Variants in DLGAP1 observed in about 807,000 individuals in gnomAD.
The protein encoded by DLGAP1 is DLG associated protein 1.
DLGAP1 carries 11 observed loss-of-function variants against 90.8 expected under a neutral mutation model. The observed-to-expected ratio is 0.12, with a 90% confidence interval of 0.08 to 0.20. The LOEUF (loss-of-function observed/expected upper bound fraction) is 0.20, where lower values mean the gene tolerates loss of function less well. Ranked by LOEUF, DLGAP1 falls within the 10% of genes least tolerant of loss-of-function variation. The pLI, the probability that DLGAP1 is intolerant of heterozygous loss-of-function variation, is 1.00. For synonymous variants in DLGAP1, 558 were observed against 540.7 expected, an observed-to-expected ratio of 1.03 and a Z score of -0.44; for missense variants, 1,050 against 1,333.8, an observed-to-expected ratio of 0.79 and a Z score of 3.31.
intron 2 of DLGAP1, among the ~76,000 whole-genome samples, chr18:4,096,772 A>G (rs2075686897): frequency 6.6e-6 from 1 of 152,218 alleles, no homozygotes; most frequent in African/African-American, 2.4e-5. Flanking sequence ...AAGCTTTTTT[A>G]TAGGCTGCCT....
chr18:3,946,414 A>G (rs1392033133), intron 3 of DLGAP1, among the ~76,000 whole-genome samples: 2 of 152,222 alleles, frequency 1.3e-5, no homozygotes, highest in African/African-American at 2.4e-5. Context: ...GGTTTTCATA[A>G]GCAACAAATA....
chr18:4,284,822 A>G (rs2079644220), intron 1 of DLGAP1, among the ~76,000 whole-genome samples: 1 of 152,210 alleles, frequency 6.6e-6, no homozygotes, highest in Non-Finnish European at 1.5e-5. Flanking sequence ...ATTAGGCTGA[A>G]GAACTGAGGT....
intron 1 of DLGAP1, among the ~76,000 whole-genome samples, chr18:4,318,499 A>T (rs1189813262): frequency 2.6e-5 from 4 of 152,202 alleles, no homozygotes; most frequent in African/African-American, 9.6e-5. Flanking sequence ...TTTGCTTACA[A>T]TGTGGACCTG....
rs2059658527 is a variant in DLGAP1 at position 3,660,875 on chromosome 18, T to C, written c.1591+68260A>G. 6.6e-6 allele frequency among the ~76,000 whole-genome samples: 1 copy of C among 152,198 alleles called. No homozygotes were observed. Among genetic ancestry groups the C allele is most frequent in the African/African-American group, 2.4e-5 (1 of 41,442 alleles). ...ATACCTCAATAATCTGCAGTTCTCT[T>C]GTCTCAACTGTCATCACCCTGGGCC... On this transcript the variant is annotated intron_variant, in intron 7 of 12. Transcript: ENST00000315677. The surrounding 1 kb of genome is among the most constrained non-coding windows in gnomAD (Gnocchi z 4.2).
intron 5 of DLGAP1, among the ~76,000 whole-genome samples, chr18:3,792,208 C>T (rs527429707): frequency 5.3e-5 from 8 of 152,236 alleles, no homozygotes; most frequent in South Asian, 4.2e-4. Context: ...GGGCTGGGCA[C>T]GATGGCTCAC....
chr18:4,269,122 T>G (rs1280661207), intron 1 of DLGAP1, among the ~76,000 whole-genome samples: 1 of 151,826 alleles, frequency 6.6e-6, no homozygotes, highest in Non-Finnish European at 1.5e-5. Context: ...AAGGATTAAA[T>G]AAATCCATTG....
At chr18:3,766,917 T>C (rs1812584306) in intron 5 of DLGAP1, among the ~76,000 whole-genome samples, 1 of 151,738 alleles carries the variant, frequency 6.6e-6, no homozygotes, top group Non-Finnish European at 1.5e-5. Flanking sequence ...TAAAAAAAGA[T>C]CAGAATAAAC....
At chr18:3,696,692 C>T (rs1473245227) in intron 7 of DLGAP1, among the ~76,000 whole-genome samples, 1 of 152,132 alleles carries the variant, frequency 6.6e-6, no homozygotes, top group Non-Finnish European at 1.5e-5. Flanking sequence ...GTTTTGGTAT[C>T]AGGATGATGC....
intron 7 of DLGAP1, among the ~76,000 whole-genome samples, chr18:3,622,359 T>C (rs1567851175): frequency 2.0e-5 from 3 of 152,082 alleles, no homozygotes; most frequent in Admixed American, 1.3e-4. Context: ...CCTGCTTCAT[T>C]CTCCCAAAGT....
chr18:3,947,341 T>G (rs981689526), intron 3 of DLGAP1, among the ~76,000 whole-genome samples: 1 of 152,242 alleles, frequency 6.6e-6, no homozygotes, highest in African/African-American at 2.4e-5. Flanking sequence ...GTGCTGACAC[T>G]AGGCTGTTCT....
chr18:3,650,020 C>A (rs2059240353), intron 7 of DLGAP1, among the ~76,000 whole-genome samples: 1 of 152,092 alleles, frequency 6.6e-6, no homozygotes, highest in Non-Finnish European at 1.5e-5. Context: ...ACTCTCAATG[C>A]TCCCAGAGAC....
intron 10 of DLGAP1, among the ~76,000 whole-genome samples, chr18:3,524,210 G>T (rs1037236771): frequency 6.6e-6 from 1 of 151,946 alleles, no homozygotes; most frequent in South Asian, 2.1e-4. Flanking sequence ...GGGCAGTTAA[G>T]TCTGCAGTAA....
At chr18:3,859,903 A>G (rs2069920008) in intron 4 of DLGAP1, among the ~76,000 whole-genome samples, 1 of 152,092 alleles carries the variant, frequency 6.6e-6, no homozygotes, top group Non-Finnish European at 1.5e-5. Context: ...GATCGAGACC[A>G]TCCTGGCTAA....
chr18:4,222,306 G>A, intron 1 of DLGAP1, among the ~76,000 whole-genome samples: 1 of 151,972 alleles, frequency 6.6e-6, no homozygotes, highest in East Asian at 1.9e-4. Context: ...GCTTGTTTCT[G>A]GTGTTTATTT....
intron 1 of DLGAP1, among the ~76,000 whole-genome samples, chr18:4,173,323 T>G (rs2077054311): frequency 6.6e-6 from 1 of 152,220 alleles, no homozygotes; most frequent in African/African-American, 2.4e-5. Flanking sequence ...TATTCCATGC[T>G]GGTTTCTCTA....
At chr18:4,212,461 T>C (rs561547793) in intron 1 of DLGAP1, among the ~76,000 whole-genome samples, 6 of 149,412 alleles carry the variant, frequency 4.0e-5, no homozygotes, top group Non-Finnish European at 8.9e-5. Context: ...AGGTCAAGAG[T>C]TTGAGAGCAG....
chr18:3,674,414 T>G (rs1598300885), intron 7 of DLGAP1, among the ~76,000 whole-genome samples: 1 of 150,862 alleles, frequency 6.6e-6, no homozygotes, highest in African/African-American at 2.4e-5. Flanking sequence ...AGGCCAGGAG[T>G]TTGAGACTAG....
chr18:3,567,352 G>T, intron 9 of DLGAP1, 138 bp downstream of exon 9: 1 of 686,354 alleles, frequency 1.5e-6, no homozygotes, highest in Non-Finnish European at 2.5e-6. Context: ...AACTAATATT[G>T]ATTCAACTTC....
chr18:4,310,647 G>A (rs2143446646), intron 1 of DLGAP1, among the ~76,000 whole-genome samples: 1 of 152,288 alleles, frequency 6.6e-6, no homozygotes, highest in African/African-American at 2.4e-5. Context: ...TTGGGAACAA[G>A]AACCCTCTTA....
Sources: allele counts gnomAD v4.1 joint callset (sites outside exome capture counted in the v4.1 genomes callset), GRCh38; gene constraint gnomAD v4.1.1; non-coding constraint Gnocchi (gnomAD v3.1); transcripts MANE v1.5; gene names NCBI Gene and HGNC (gene_info 2026-07-23, HGNC 2026-07-21).